The following MRPL44 variants were observed in gnomAD, a reference collection of about 807,000 sequenced individuals.
The protein encoded by MRPL44 is mitochondrial ribosomal protein L44.
Under a neutral mutation model 25.9 loss-of-function variants are expected in MRPL44, and 21 were observed. The ratio of observed to expected loss-of-function variants is 0.81; its 90% confidence interval spans 0.58 to 1.17. The LOEUF is 1.17. MRPL44 is among the 50% of genes most tolerant of loss of function. The pLI is 0.00. For missense variants in MRPL44, 410 were observed against 398.9 expected, an observed-to-expected ratio of 1.03 and a Z score of -0.24; for synonymous variants, 169 against 151.0, an observed-to-expected ratio of 1.12 and a Z score of -0.87.
upstream of MRPL44, among the ~76,000 whole-genome samples, chr2:223,956,333 CT>C (rs879517038): frequency 6.6e-5 from 10 of 152,132 alleles, no homozygotes; most frequent in Non-Finnish European, 1.5e-4. Flanking sequence ...TAGATTCTCC[CT>C]TTTGAAATGG....
intron 2 of MRPL44, among the ~76,000 whole-genome samples, chr2:223,962,891 A>G: frequency 6.6e-6 from 1 of 152,046 alleles, no homozygotes; most frequent in Non-Finnish European, 1.5e-5. Context: ...TAGTAGTGAC[A>G]GGGTTTCACC....
rs745313816 is a variant in MRPL44 at position 223,963,770 on chromosome 2, T to G, written c.663T>G (p.Thr221=). The G allele has an allele frequency of 1.3e-6, 2 of 1,599,522 alleles. No individual in the cohort carries two copies. The highest frequency in any genetic ancestry group is 1.7e-6 in the Non-Finnish European group (2 of 1,174,490). Residue 221 remains threonine (T), a synonymous_variant, in exon 3 of 4, where the codon ACT becomes ACG. Coordinates refer to ENST00000258383, the MANE Select transcript of MRPL44 (RefSeq NM_022915.5). The part of the protein sequence containing the change: ...TALFIRDFLI[T]QMTGKELFEM... ...TTTATATGCAGGACTTCTTAATTAC[T>G]CAAATGACTGGAAAAGAGCTCTTTG...
intron 2 of MRPL44, 30 bp from the exon 3 acceptor site, chr2:223,963,726 A>C: frequency 7.1e-7 from 1 of 1,400,112 alleles, no homozygotes. Context: ...TCTACTAATT[A>C]AAATGTATAA....
chr2:223,962,352 A>G (rs1216112009), intron 2 of MRPL44, among the ~76,000 whole-genome samples: 2 of 152,168 alleles, frequency 1.3e-5, no homozygotes, highest in African/African-American at 4.8e-5. Context: ...AATGAAGCTG[A>G]AAGTGTTCTG....
chr2:223,957,857 C>A lies in MRPL44; in HGVS notation c.179+206C>A, dbSNP rs190274204. On this transcript the variant is annotated intron_variant, in intron 1 of 3. Transcript: ENST00000258383. ...CGGTAGAGCTTCGGGCTGTTCCCGA[C>A]GTTTTGAAACTACCATTTAGGATTT... 2.7e-3 allele frequency among the ~76,000 whole-genome samples: 415 copies of A among 152,258 alleles called. 2 individuals are homozygous for A. The highest frequency in any genetic ancestry group is 9.7e-3 in the African/African-American group (401 of 41,538).
the MRPL44 span, among the ~76,000 whole-genome samples, chr2:223,951,850 T>C: frequency 6.6e-6 from 1 of 152,190 alleles, no homozygotes; most frequent in Admixed American, 6.5e-5. Context: ...ACCTGTGTCA[T>C]GCTAGACTTC....
At chr2:223,965,391 T>C (rs1181655665) in intron 3 of MRPL44, among the ~76,000 whole-genome samples, 1 of 152,230 alleles carries the variant, frequency 6.6e-6, no homozygotes, top group African/African-American at 2.4e-5. Flanking sequence ...TAATTTGGTT[T>C]CGGTCTTCAC....
intron 3 of MRPL44, among the ~76,000 whole-genome samples, chr2:223,965,403 T>G (rs1689725375): frequency 1.3e-5 from 2 of 152,238 alleles, no homozygotes; most frequent in Admixed American, 6.5e-5. Flanking sequence ...GGTCTTCACT[T>G]TCAAATCAGC....
At chr2:223,963,369 G>A (rs1574795747) in intron 2 of MRPL44, among the ~76,000 whole-genome samples, 1 of 152,146 alleles carries the variant, frequency 6.6e-6, no homozygotes, top group Non-Finnish European at 1.5e-5. Context: ...CTTGAGCCCA[G>A]GAGGTCGAGG....
At chr2:223,951,479 T>TTTTTTTTTGTTTTG in the MRPL44 span, among the ~76,000 whole-genome samples, 1 of 71,192 alleles carries the variant, frequency 1.4e-5, no homozygotes, top group African/African-American at 6.7e-5. Context: ...TACCTTGGAG[T>TTTTTTTTTGTTTTG]TTTTTTTTTT....
chr2:223,967,265 C>A lies in MRPL44; in HGVS notation c.*231C>A. ...TTTTTTCTCTTGAGATGGAGTCTTA[C>A]TCTGTCGCCCAGGCTGGACTGCAGT... On this transcript the variant is annotated 3_prime_UTR_variant, in exon 4 of 4. Transcript: ENST00000258383. The A allele has an allele frequency of 2.3e-6, 1 of 435,774 alleles. No individual in the cohort carries two copies. The highest frequency in any genetic ancestry group is 4.0e-6 in the Non-Finnish European group (1 of 247,342). 27.0% of individuals were successfully genotyped at this position (435,774 alleles called of 1,614,324 possible). A position where few individuals can be genotyped will look rare whatever the true frequency, so the allele number is the denominator to read the frequency against.
upstream of MRPL44, among the ~76,000 whole-genome samples, chr2:223,954,038 A>G (rs1689529915): frequency 6.6e-6 from 1 of 152,206 alleles, no homozygotes; most frequent in Admixed American, 6.5e-5. Flanking sequence ...TGTGCTTGAC[A>G]TCTTCTCTGA....
intron 3 of MRPL44, chr2:223,965,789 T>C (rs1264928687): frequency 6.6e-6 from 1 of 152,226 alleles, no homozygotes; most frequent in Admixed American, 6.5e-5. Flanking sequence ...ATTAGAAATA[T>C]ATAAAATGAT....
intron 1 of MRPL44, among the ~76,000 whole-genome samples, chr2:223,958,050 C>T (rs1448664209): frequency 6.6e-6 from 1 of 152,148 alleles, no homozygotes; most frequent in Non-Finnish European, 1.5e-5. Flanking sequence ...AACCTGAATT[C>T]TGCTGTCTAG....
At chr2:223,958,588 A>G (rs1689607334) in intron 1 of MRPL44, among the ~76,000 whole-genome samples, 2 of 152,246 alleles carry the variant, frequency 1.3e-5, no homozygotes, top group Non-Finnish European at 1.5e-5. Context: ...TGTTATATGT[A>G]TATCTTACGA....
chr2:223,959,202 G>C (rs1419264346), intron 1 of MRPL44, among the ~76,000 whole-genome samples: 1 of 152,082 alleles, frequency 6.6e-6, no homozygotes. Context: ...TTCATACTTA[G>C]GTATAAAACA....
chr2:223,959,154 G>A (rs1236823002), intron 1 of MRPL44, among the ~76,000 whole-genome samples: 8 of 152,154 alleles, frequency 5.3e-5, no homozygotes, highest in Non-Finnish European at 1.2e-4. Flanking sequence ...TAACATACTA[G>A]TGTTTATGGC....
the MRPL44 span, among the ~76,000 whole-genome samples, chr2:223,951,353 T>A: frequency 2.0e-5 from 3 of 152,210 alleles, no homozygotes; most frequent in African/African-American, 7.2e-5. Context: ...GCTACATGGA[T>A]AAGAAATTTT....
Position 223,957,561 on chromosome 2 carries a change from GA to G in MRPL44, c.90del (p.Val31Ter), listed in dbSNP as rs776802929. ...CCCAAGCTGGTCCCTCCGGTTCGGG[GA>G]GTGAAGAAGGGATTCCGCGCCGCCT... The part of the protein sequence containing the change: ...VAPKLVPPVR[G>X]VKKGFRAAFR... On this transcript the variant is annotated frameshift_variant, in exon 1 of 4. Transcript: ENST00000258383. LOFTEE classifies it high-confidence loss of function. 3 of 1,613,978 alleles carry G rather than the reference GA, an allele frequency of 1.9e-6. No individual in the cohort carries two copies. The East Asian group carries it at 6.7e-5, about 36-fold the overall frequency.
Sources: gnomAD v4.1 joint callset for allele counts (sites outside exome capture counted in the v4.1 genomes callset) on GRCh38, gnomAD v4.1.1 for gene constraint, MANE v1.5 for transcripts, NCBI Gene and HGNC (gene_info 2026-07-23, HGNC 2026-07-21) for gene names.